Variants in ATF7IP2 observed in about 807,000 individuals in gnomAD.
The protein encoded by ATF7IP2 is activating transcription factor 7-interacting protein 2.
In ATF7IP2, 42 loss-of-function variants were observed where a neutral mutation model predicts 64.2. The observed-to-expected ratio is 0.65, with a 90% confidence interval of 0.51 to 0.85. The LOEUF (loss-of-function observed/expected upper bound fraction) is 0.85. Among genes scored for constraint, ATF7IP2 ranks in the 40% least tolerant of loss-of-function variants. ATF7IP2 has a pLI of 0.00. For missense variants in ATF7IP2, 933 were observed against 784.2 expected (o/e 1.19, Z -2.27); for synonymous variants, 308 against 272.8 (o/e 1.13, Z -1.27).
chr16:10,418,177 T>A (rs559121138), intron 2 of ATF7IP2, among the ~76,000 whole-genome samples: 4 of 152,220 alleles, frequency 2.6e-5, no homozygotes, highest in African/African-American at 9.6e-5. Flanking sequence ...TGGCTAGTTA[T>A]CTGCAGCAGG....
At chr16:10,388,802 A>C (rs1446911016) in intron 1 of ATF7IP2, among the ~76,000 whole-genome samples, 1 of 152,064 alleles carries the variant, frequency 6.6e-6, no homozygotes, top group Non-Finnish European at 1.5e-5. Context: ...CGAGGTCAGG[A>C]GATTGAGACC....
intron 8 of ATF7IP2, among the ~76,000 whole-genome samples, chr16:10,455,882 C>A (rs761161983): frequency 6.6e-6 from 1 of 152,130 alleles, no homozygotes; most frequent in African/African-American, 2.4e-5. Flanking sequence ...ATTTGTGTTA[C>A]GTAGTGGCAG....
rs549096639 is a variant in ATF7IP2, at chr16:10,443,258, C to T, written c.1194+2796C>T. ...TCTCCAAGAAATGCCAAATTTTCTC[C>T]CTGTCATGAGAGACACAAAGTAAAA... On this transcript the variant is annotated intron_variant, in intron 8 of 13. Transcript: ENST00000562102. Among the ~76,000 whole-genome samples the T allele has an allele frequency of 6.7e-4, 102 of 152,256 alleles. 1 individual carries two copies. The highest frequency in any genetic ancestry group is 2.1e-3 in the African/African-American group (88 of 41,546).
At chr16:10,394,984 T>A (rs925184265) in intron 1 of ATF7IP2, among the ~76,000 whole-genome samples, 1 of 151,432 alleles carries the variant, frequency 6.6e-6, no homozygotes, top group African/African-American at 2.4e-5. Context: ...TAGGAAAAAA[T>A]TAGTGTGGAA....
chr16:10,414,537 A>G (rs1233385260), intron 1 of ATF7IP2, 37 bp from the exon 2 acceptor site: 1 of 150,488 alleles, frequency 6.6e-6, no homozygotes, highest in Non-Finnish European at 1.5e-5. Flanking sequence ...TGCCTCCTTG[A>G]TTAGCTTAAT....
intron 1 of ATF7IP2, among the ~76,000 whole-genome samples, chr16:10,406,174 C>T (rs937373271): frequency 3.7e-4 from 57 of 152,194 alleles, no homozygotes; most frequent in African/African-American, 1.2e-3. Context: ...GGTGCAATCA[C>T]GGCTCACCAC....
intron 9 of ATF7IP2, among the ~76,000 whole-genome samples, chr16:10,467,806 G>A (rs1319603105): frequency 6.7e-6 from 1 of 149,840 alleles, no homozygotes; most frequent in African/African-American, 2.5e-5. Flanking sequence ...ACCCGCCTCG[G>A]CCCCACAAAG....
At position 10,483,100 on chromosome 16, in the gene ATF7IP2, TTTTTG is replaced by T. The variant is rs1247846571; in HGVS notation, c.*862_*866del. ...GGGCTATTCATTTGTGCTCTCCTCT[TTTTTG>T]TTTTGTTTTGCACTTTGTCAATCAT... On this transcript the variant is annotated 3_prime_UTR_variant, in exon 14 of 14. Transcript: ENST00000562102. The T allele has an allele frequency of 2.0e-5, 3 of 152,380 alleles. No homozygotes were observed. Among genetic ancestry groups the T allele is most frequent in the African/African-American group, 7.2e-5 (3 of 41,594 alleles). The allele number at this position is 152,380 out of a possible 1,614,324, so 9.4% of individuals were successfully genotyped here.
At chr16:10,394,206 C>A (rs1339295275) in intron 1 of ATF7IP2, among the ~76,000 whole-genome samples, 1 of 152,122 alleles carries the variant, frequency 6.6e-6, no homozygotes, top group East Asian at 1.9e-4. Context: ...GATGAAGATA[C>A]AACATGCAAA....
Position 10,440,403 on chromosome 16 carries a change from T to A in ATF7IP2, c.1135T>A (p.Leu379Ile), listed in dbSNP as rs1483392549. ...AKLQRRIKTV[L>I]LFQRNCLKPN... is the part of the protein sequence containing the mutation. The stretch of plus-strand genomic sequence containing the variant: ...ACTTCAAAGACGTATTAAAACAGTA[T>A]TATTATTTCAAAGGAATTGTTTGAA... Residue 379 changes from leucine (L) to isoleucine (I), a missense_variant, in exon 8 of 14, where the codon TTA (leucine) becomes ATA (isoleucine). Physicochemically the swap from Leu to Ile is conservative, Grantham distance 5. Coordinates refer to ENST00000562102, the MANE Select transcript of ATF7IP2 (RefSeq NM_001393719.1). 1.3e-6 allele frequency: 2 copies of A among 1,568,508 alleles called. No homozygotes were observed. The highest frequency in any genetic ancestry group is 1.2e-5 in the South Asian group (1 of 83,202).
intron 10 of ATF7IP2, among the ~76,000 whole-genome samples, chr16:10,472,855 CAAAA>C (rs71133355): frequency 4.0e-5 from 4 of 99,096 alleles, no homozygotes; most frequent in Non-Finnish European, 4.5e-5. Context: ...GACTCCGTCT[CAAAA>C]AAAAAAAAAA....
chr16:10,472,269 T>C, intron 10 of ATF7IP2, 86 bp downstream of exon 10: 2 of 621,082 alleles, frequency 3.2e-6, no homozygotes, highest in Admixed American at 3.0e-5. Flanking sequence ...TTGAATAATA[T>C]CTTTTAATAA....
At chr16:10,438,785 T>A (rs1445808969) in intron 7 of ATF7IP2, among the ~76,000 whole-genome samples, 1 of 152,150 alleles carries the variant, frequency 6.6e-6, no homozygotes, top group Non-Finnish European at 1.5e-5. Context: ...CCAGGCGCGA[T>A]GGCTCATGCC....
At chr16:10,471,492 C>T (rs2049797754) in intron 9 of ATF7IP2, among the ~76,000 whole-genome samples, 1 of 152,062 alleles carries the variant, frequency 6.6e-6, no homozygotes, top group Non-Finnish European at 1.5e-5. Flanking sequence ...TGCGCCACTG[C>T]ACTTCAGCCT....
chr16:10,387,271 C>T (rs561052663), intron 1 of ATF7IP2: 16 of 152,342 alleles, frequency 1.1e-4, no homozygotes, highest in Admixed American at 9.8e-4. Context: ...ACTAATAACA[C>T]TGAATTCAGC....
intron 9 of ATF7IP2, among the ~76,000 whole-genome samples, chr16:10,468,445 G>C (rs9930073): frequency 0.037 from 5,642 of 152,196 alleles, 159 homozygotes; most frequent in East Asian, 0.13. Context: ...TTCAGATATT[G>C]TTCTACCAGG....
intron 5 of ATF7IP2, 44 bp from the exon 6 acceptor site, chr16:10,433,481 T>A: frequency 6.3e-7 from 1 of 1,578,088 alleles, no homozygotes; most frequent in Non-Finnish European, 8.6e-7. Context: ...AACCTGTTTT[T>A]TTCTTTAAAA....
chr16:10,472,818 T>G (rs2049852321), intron 10 of ATF7IP2, among the ~76,000 whole-genome samples: 1 of 146,840 alleles, frequency 6.8e-6, no homozygotes. Flanking sequence ...ATCGTGCTAC[T>G]GCACTCCAGC....
At chr16:10,401,075 C>A (rs2047523560) in intron 1 of ATF7IP2, among the ~76,000 whole-genome samples, 1 of 152,154 alleles carries the variant, frequency 6.6e-6, no homozygotes, top group African/African-American at 2.4e-5. Context: ...GGTTTTTGTT[C>A]TTAGCTGTGA....
Sources: gnomAD v4.1 joint callset for allele counts (sites outside exome capture counted in the v4.1 genomes callset) on GRCh38, gnomAD v4.1.1 for gene constraint, MANE v1.5 for transcripts, NCBI Gene and HGNC (gene_info 2026-07-23, HGNC 2026-07-21) for gene names.